TXNDC16: variants seen among roughly 807,000 people sequenced by gnomAD.
TXNDC16 encodes the protein thioredoxin domain containing 16, also known as thioredoxin domain-containing protein 16.
A neutral mutation model predicts 85.6 loss-of-function variants in TXNDC16; 74 were observed. The observed-to-expected ratio is 0.86, with a 90% CI of 0.72 to 1.05. The LOEUF (loss-of-function observed/expected upper bound fraction) is 1.05. Ranked by LOEUF, TXNDC16 falls within the 50% of genes least tolerant of loss-of-function variation. The pLI is 0.00. For synonymous variants in TXNDC16, 335 were observed against 326.5 expected, an observed-to-expected ratio of 1.03 and a Z score of -0.28; for missense variants, 959 against 947.0, an observed-to-expected ratio of 1.01 and a Z score of -0.17.
intron 6 of TXNDC16, among the ~76,000 whole-genome samples, chr14:52,527,435 T>TG (rs1315346684): frequency 1.3e-5 from 2 of 149,628 alleles, no homozygotes; most frequent in East Asian, 4.0e-4. Flanking sequence ...AAATGATTTT[T>TG]GTTTTTTTCA....
At chr14:52,546,933 T>C (rs2037952639) in intron 1 of TXNDC16, among the ~76,000 whole-genome samples, 1 of 152,126 alleles carries the variant, frequency 6.6e-6, no homozygotes, top group Admixed American at 6.5e-5. Context: ...ACTACAATAA[T>C]TTGGAGGTGA....
At position 52,482,300 on chromosome 14, in the gene TXNDC16, A is replaced by AT; in HGVS notation, c.1253-12dup. On this transcript the variant is annotated splice_polypyrimidine_tract_variant and intron_variant, in intron 13 of 20. Coordinates refer to ENST00000281741, the MANE Select transcript of TXNDC16 (RefSeq NM_020784.3). Reference sequence around the variant, plus strand: ...TGGATACTGCTTGCCCTATATGAAAATTAAAAATTCAACAGATATTACATG... The same window carrying AT: ...TGGATACTGCTTGCCCTATATGAAAATTTAAAAATTCAACAGATATTACATG... The AT allele has an allele frequency of 6.2e-7, 1 of 1,609,106 alleles. No homozygotes were observed. Among genetic ancestry groups the AT allele is most frequent in the Non-Finnish European group, 8.5e-7 (1 of 1,177,606 alleles).
rs117771691 is a variant in TXNDC16, at chr14:52,501,283, C to T, written c.756+9957G>A. On this transcript the variant is annotated intron_variant, in intron 9 of 20. Coordinates refer to ENST00000281741, the MANE Select transcript of TXNDC16 (RefSeq NM_020784.3). ...CCTAAAAGAAAAAAAAAGCAATAAA[C>T]ACACATACAAAAGCAATCTGCATCT... is the stretch of plus-strand genomic sequence containing the variant. Among the ~76,000 whole-genome samples, 255 of 152,102 alleles carry T rather than the reference C, an allele frequency of 1.7e-3. 1 individual carries two copies. The highest frequency in any genetic ancestry group is 6.8e-3 in the Middle Eastern group (2 of 294).
At chr14:52,530,484 A>ATAAAATAATATATATTATTATATGT (rs1566582903) in intron 6 of TXNDC16, among the ~76,000 whole-genome samples, 1 of 308 alleles carries the variant, frequency 3.2e-3, no homozygotes, top group African/African-American at 8.2e-3. Flanking sequence ...ATTATATATA[A>ATAAAATAATATATATTATTATATGT]TATTATATAT....
intron 7 of TXNDC16, among the ~76,000 whole-genome samples, chr14:52,516,938 A>T (rs1288285855): frequency 6.6e-6 from 1 of 152,120 alleles, no homozygotes; most frequent in Non-Finnish European, 1.5e-5. Flanking sequence ...ATCCAGGTAG[A>T]TCATCCTTTC....
rs1053545023 is a variant in TXNDC16, at chr14:52,431,258, A to G, written c.*1046T>C. ...AGGGTAGATTTCAGAGACGCTTCAG[A>G]TGAGGGAGCCTCTCTTTCCATGAGG... is the stretch of plus-strand genomic sequence containing the variant. On this transcript the variant is annotated 3_prime_UTR_variant, in exon 21 of 21. Transcript: ENST00000281741. 6.6e-6 allele frequency: 1 copy of G among 152,238 alleles called. No homozygotes were observed. Among genetic ancestry groups the G allele is most frequent in the Non-Finnish European group, 1.5e-5 (1 of 68,046 alleles). 9.4% of individuals were successfully genotyped at this position (152,238 alleles called of 1,614,324 possible).
At chr14:52,500,933 C>A (rs2036644028) in intron 9 of TXNDC16, among the ~76,000 whole-genome samples, 1 of 152,152 alleles carries the variant, frequency 6.6e-6, no homozygotes, top group East Asian at 1.9e-4. Context: ...CAGATAAAAG[C>A]TTTCCTTCTA....
chr14:52,454,368 G>A (rs1386361808), intron 18 of TXNDC16, among the ~76,000 whole-genome samples: 2 of 150,788 alleles, frequency 1.3e-5, no homozygotes, highest in Non-Finnish European at 2.9e-5. Flanking sequence ...GGAGGTTGCA[G>A]TGAGCCGAGA....
At chr14:52,448,918 C>T (rs2035344619) in intron 18 of TXNDC16, among the ~76,000 whole-genome samples, 1 of 151,930 alleles carries the variant, frequency 6.6e-6, no homozygotes, top group Non-Finnish European at 1.5e-5. Context: ...GTAGTATTTA[C>T]AAGCATCATG....
intron 14 of TXNDC16, among the ~76,000 whole-genome samples, chr14:52,479,124 T>C (rs951926465): frequency 6.6e-6 from 1 of 152,126 alleles, no homozygotes. Context: ...TCCTTTATGA[T>C]TAAAACTCTC....
chr14:52,515,898 T>G (rs2037072241), intron 7 of TXNDC16, among the ~76,000 whole-genome samples: 1 of 152,154 alleles, frequency 6.6e-6, no homozygotes, highest in South Asian at 2.1e-4. Flanking sequence ...CAGTAAATAC[T>G]ATTTGCAGAG....
chr14:52,509,055 T>TA (rs889184349), intron 9 of TXNDC16, among the ~76,000 whole-genome samples: 58 of 151,370 alleles, frequency 3.8e-4, no homozygotes, highest in African/African-American at 1.1e-3. Context: ...TAAAGTATAA[T>TA]AAAAAAAACT....
intron 1 of TXNDC16, among the ~76,000 whole-genome samples, chr14:52,549,629 A>ATTTTTTTT (rs748701260): frequency 1.4e-4 from 18 of 132,982 alleles, no homozygotes; most frequent in Non-Finnish European, 2.4e-4. Flanking sequence ...AACAGTTCTG[A>ATTTTTTTT]TTTTTTTTTT....
rs1307344099 is a variant in TXNDC16 at position 52,488,429 on chromosome 14, C to T, written c.1042G>A (p.Glu348Lys). ...ATTTCCTCAATGTGCATATTATTTT[C>T]CACATGAGATATTATTAAATCAACA... is the stretch of plus-strand genomic sequence containing the variant. The part of the protein sequence containing the change: ...HDVDLIISHV[E>K]NNMHIEEIQE... The change falls in exon 12 of 21, where the codon GAA (glutamate) becomes AAA (lysine). Residue 348 changes from glutamate (E) to lysine (K), a missense_variant. Transcript: ENST00000281741. 3 of 1,612,194 alleles carry T rather than the reference C, an allele frequency of 1.9e-6. No individual in the cohort carries two copies. The African/African-American group carries it at 4.0e-5, about 22-fold the overall frequency.
chr14:52,440,676 G>T lies in TXNDC16; in HGVS notation c.1891C>A (p.Pro631Thr). ...NLPSYFRLQK[P>T]LLILFSDGTV... ...CCATCACTGAACAAAATCAATAATGGTTTCTGAAGTCTGAAATAACTGGGA... is the reference window on the plus strand; with the variant it reads ...CCATCACTGAACAAAATCAATAATGTTTTCTGAAGTCTGAAATAACTGGGA... Residue 631 changes from proline to threonine, a missense_variant, in exon 19 of 21, where the codon CCA becomes ACA. Coordinates refer to ENST00000281741, the MANE Select transcript of TXNDC16 (RefSeq NM_020784.3). The T allele has an allele frequency of 6.2e-7, 1 of 1,608,740 alleles. No individual in the cohort carries two copies. Among genetic ancestry groups the T allele is most frequent in the Non-Finnish European group, 8.5e-7 (1 of 1,178,706 alleles).
At chr14:52,468,216 T>C (rs1235457995) in intron 16 of TXNDC16, among the ~76,000 whole-genome samples, 1 of 152,180 alleles carries the variant, frequency 6.6e-6, no homozygotes, top group Non-Finnish European at 1.5e-5. Context: ...AAACATACAC[T>C]TAAAAATGGG....
At position 52,468,479 on chromosome 14, in the gene TXNDC16, T is replaced by C. The variant is rs573785665; in HGVS notation, c.1618+1558A>G. On this transcript the variant is annotated intron_variant, in intron 16 of 20. Transcript: ENST00000281741. ...TCATTAAACAAAGCTAAAGAGCAAA[T>C]AACAGACTGAGGGAAAATAACTGAA... Among the ~76,000 whole-genome samples, 8 of 152,126 alleles carry C rather than the reference T, an allele frequency of 5.3e-5. 1 individual carries two copies. In the South Asian group the frequency reaches 1.7e-3, roughly 32 times the overall value.
At chr14:52,493,111 A>AT (rs890488496) in intron 9 of TXNDC16, among the ~76,000 whole-genome samples, 14 of 148,042 alleles carry the variant, frequency 9.5e-5, no homozygotes, top group Admixed American at 2.0e-4. Flanking sequence ...CCCTGTCTCT[A>AT]TTTTTTTTTT....
intron 12 of TXNDC16, among the ~76,000 whole-genome samples, chr14:52,487,629 G>A (rs2036301101): frequency 6.6e-6 from 1 of 152,146 alleles, no homozygotes; most frequent in Non-Finnish European, 1.5e-5. Flanking sequence ...TAGGCCACTA[G>A]ATTATTCTAG....
Sources: allele counts gnomAD v4.1 joint callset (sites outside exome capture counted in the v4.1 genomes callset), GRCh38; gene constraint gnomAD v4.1.1; transcripts MANE v1.5; gene names NCBI Gene and HGNC (gene_info 2026-07-23, HGNC 2026-07-21).